Variants in MAST3 observed in about 807,000 individuals in gnomAD.
MAST3 encodes the protein microtubule associated serine/threonine kinase 3, also known as microtubule-associated serine/threonine-protein kinase 3.
MAST3 carries 43 observed loss-of-function variants against 127.0 expected under a neutral mutation model. The ratio of observed to expected loss-of-function variants is 0.34; its 90% CI spans 0.27 to 0.44. The LOEUF (loss-of-function observed/expected upper bound fraction) is 0.44. MAST3 is among the 20% of genes least tolerant of loss of function. MAST3 has a pLI of 1.00. For synonymous variants in MAST3, 785 were observed against 809.2 expected (o/e 0.97, Z 0.51); for missense variants, 1,390 against 1,919.1 (o/e 0.72, Z 5.15).
At chr19:18,108,458 C>T (rs1197315897) in intron 2 of MAST3, among the ~76,000 whole-genome samples, 1 of 151,870 alleles carries the variant, frequency 6.6e-6, no homozygotes, top group Non-Finnish European at 1.5e-5. Flanking sequence ...ACTGCAACCA[C>T]TGCCTCCCAG....
intron 3 of MAST3, among the ~76,000 whole-genome samples, chr19:18,113,538 G>A (rs553227457): frequency 3.4e-4 from 51 of 152,166 alleles, no homozygotes; most frequent in African/African-American, 1.1e-3. Context: ...TTGGCTCACT[G>A]CAACCTCCGC....
intron 8 of MAST3, 110 bp downstream of exon 8, chr19:18,123,765 C>T: frequency 1.8e-6 from 2 of 1,131,958 alleles, no homozygotes; most frequent in Non-Finnish European, 2.5e-6. Flanking sequence ...CTGTTCATTT[C>T]TGTCTTTCCT....
chr19:18,102,680 C>T (rs932261691), intron 1 of MAST3, among the ~76,000 whole-genome samples: 3 of 152,116 alleles, frequency 2.0e-5, no homozygotes, highest in Non-Finnish European at 4.4e-5. Flanking sequence ...CGGGGTTTCA[C>T]TATGTTGGCC....
In MAST3 at chr19:18,121,928, TG is replaced by T. The variant is rs1451348224; in HGVS notation, c.320+7del. 2 of 1,613,770 alleles carry T rather than the reference TG, an allele frequency of 1.2e-6. No individual in the cohort carries two copies. Among genetic ancestry groups the T allele is most frequent in the Non-Finnish European group, 1.7e-6 (2 of 1,179,890 alleles). ...AATTTCCCCTTTGCCCGGAGGTGAG[TG>T]ATTGCCGGCTTTGGGAGACAGTGCG... On this transcript the variant is annotated splice_region_variant and intron_variant, in intron 5 of 27. Transcript: ENST00000687212.
chr19:18,123,443 C>T (rs2040228663), intron 7 of MAST3, 69 bp downstream of exon 7: 1 of 1,518,660 alleles, frequency 6.6e-7, no homozygotes, highest in Non-Finnish European at 8.9e-7. Flanking sequence ...AGTTGTGGCT[C>T]CTCCTTCACC....
intron 21 of MAST3, among the ~76,000 whole-genome samples, chr19:18,142,867 T>C (rs185515910): frequency 2.0e-5 from 3 of 151,836 alleles, no homozygotes; most frequent in Admixed American, 6.6e-5. Context: ...TCCCAACACT[T>C]TGGGAAGCCG....
intron 11 of MAST3, 113 bp downstream of exon 11, chr19:18,124,887 C>CT: frequency 1.5e-6 from 2 of 1,342,964 alleles, no homozygotes; most frequent in Non-Finnish European, 2.0e-6. Flanking sequence ...GGGCAGATCA[C>CT]TTGAGGCCAG....
At position 18,112,792 on chromosome 19, in the gene MAST3, G is replaced by A. The variant is rs1229319572; in HGVS notation, c.161+2051G>A. On this transcript the variant is annotated intron_variant, in intron 3 of 27. Transcript: ENST00000687212. The surrounding 1 kb of genome is among the most constrained non-coding windows in gnomAD (Gnocchi z 4.1). ...CGCCTGAGATTTTTTTTAAGCCTCT[G>A]TGTCTGCCTTGGGGGGAGAAAGTTC... Among the ~76,000 whole-genome samples the A allele has an allele frequency of 6.6e-6, 1 of 152,114 alleles. No homozygotes were observed. The highest frequency in any genetic ancestry group is 1.5e-5 in the Non-Finnish European group (1 of 68,018).
chr19:18,135,603 A>G, intron 17 of MAST3, 137 bp from the exon 18 acceptor site: 1 of 654,506 alleles, frequency 1.5e-6, no homozygotes, highest in Non-Finnish European at 2.7e-6. Context: ...GTGGGTACCA[A>G]GCCTGCCACG....
In MAST3 at chr19:18,134,718, G is replaced by T; in HGVS notation, c.1704+7G>T. ...AGAGTTCATCGACAAGCAGGTGGGC[G>T]GGCAGGTGGGTGGGCAGCCCCGGGA... is the stretch of plus-strand genomic sequence containing the variant. On this transcript the variant is annotated splice_region_variant and intron_variant, in intron 16 of 27. Coordinates refer to ENST00000687212, the MANE Select transcript of MAST3 (RefSeq NM_001393504.1). 1 of 1,612,330 alleles carries T rather than the reference G, an allele frequency of 6.2e-7. No individual in the cohort carries two copies. Among genetic ancestry groups the T allele is most frequent in the South Asian group, 1.1e-5 (1 of 90,974 alleles).
chr19:18,126,027 C>T (rs979855652), intron 11 of MAST3, among the ~76,000 whole-genome samples: 2 of 151,904 alleles, frequency 1.3e-5, no homozygotes, highest in African/African-American at 4.8e-5. Context: ...CCACTGTGCT[C>T]TAGCCTGGGT....
At chr19:18,120,990 G>C (rs2039901911) in intron 3 of MAST3, among the ~76,000 whole-genome samples, 2 of 152,042 alleles carry the variant, frequency 1.3e-5, no homozygotes, top group Non-Finnish European at 2.9e-5. Context: ...CAAAGTACTG[G>C]GATTACAGGT....
At position 18,123,992 on chromosome 19, in the gene MAST3, C is replaced by A; in HGVS notation, c.687C>A (p.Pro229=). The A allele has an allele frequency of 6.3e-7, 1 of 1,592,082 alleles. No homozygotes were observed. The highest frequency in any genetic ancestry group is 8.5e-7 in the Non-Finnish European group (1 of 1,170,840). ...AGGAGTTCCTGACGGCCTACGCGCC[C>A]GGCGCCCGGCTGGCGCTGGCTGATG... is the stretch of plus-strand genomic sequence containing the variant. The part of the protein sequence containing the change: ...RLQEFLTAYA[P]GARLALADGV... Residue 229 remains proline (P), a synonymous_variant, in exon 9 of 28, where the codon CCC becomes CCA. Transcript: ENST00000687212.
intron 1 of MAST3, 55 bp from the exon 2 acceptor site, chr19:18,107,531 AG>A (rs2038171456): frequency 6.3e-7 from 1 of 1,576,060 alleles, no homozygotes; most frequent in Non-Finnish European, 8.7e-7. Context: ...ATCAACGGCC[AG>A]GGGTTCTGAG....
intron 3 of MAST3, among the ~76,000 whole-genome samples, chr19:18,117,386 CCTAA>C (rs1333133957): frequency 1.3e-5 from 2 of 152,186 alleles, no homozygotes; most frequent in African/African-American, 4.8e-5. Context: ...GTGGCTGCTT[CCTAA>C]CTGAGGCAGG....
Position 18,150,468 on chromosome 19 carries a change from T to C in MAST3, c.*742T>C, listed in dbSNP as rs939415733. On this transcript the variant is annotated 3_prime_UTR_variant, in exon 28 of 28. Coordinates refer to ENST00000687212, the MANE Select transcript of MAST3 (RefSeq NM_001393504.1). ...GTTTTTCTGTACTTTTTAAGTGTTTTGTGTTACCTGGTCTCATTCCCCTCC... is the reference window on the plus strand; with the variant it reads ...GTTTTTCTGTACTTTTTAAGTGTTTCGTGTTACCTGGTCTCATTCCCCTCC... 1 of 152,342 alleles carries C rather than the reference T, an allele frequency of 6.6e-6. No individual in the cohort carries two copies. The highest frequency in any genetic ancestry group is 1.5e-5 in the Non-Finnish European group (1 of 68,116). 9.4% of individuals were successfully genotyped at this position (152,342 alleles called of 1,614,324 possible).
chr19:18,131,271 C>T (rs1269103356), intron 14 of MAST3, among the ~76,000 whole-genome samples: 1 of 152,028 alleles, frequency 6.6e-6, no homozygotes, highest in African/African-American at 2.4e-5. Context: ...CCCAGCTACT[C>T]GGGAGGCTGA....
intron 27 of MAST3, among the ~76,000 whole-genome samples, chr19:18,148,961 G>C (rs913560840): frequency 1.3e-5 from 2 of 152,028 alleles, no homozygotes; most frequent in African/African-American, 4.8e-5. Context: ...TACTCAGGAG[G>C]CTGAGTTGTG....
At chr19:18,122,056 G>A in intron 5 of MAST3, 134 bp downstream of exon 5, 1 of 1,481,060 alleles carries the variant, frequency 6.8e-7, no homozygotes, top group South Asian at 1.3e-5. Flanking sequence ...CCGTCTGGTG[G>A]TGGTCTCCCC....
Sources: gnomAD v4.1 joint callset for allele counts (sites outside exome capture counted in the v4.1 genomes callset) on GRCh38, gnomAD v4.1.1 for gene constraint, Gnocchi (gnomAD v3.1) non-coding constraint, MANE v1.5 for transcripts, NCBI Gene and HGNC (gene_info 2026-07-23, HGNC 2026-07-21) for gene names.